Variants in CNTN5 observed in about 807,000 individuals in gnomAD.
CNTN5 encodes contactin-5.
CNTN5 carries 77 observed loss-of-function variants against 129.1 expected under a neutral mutation model. The observed-to-expected ratio is 0.60, with a 90% CI of 0.50 to 0.72. CNTN5 has a LOEUF of 0.72. CNTN5 is among the 30% of genes least tolerant of loss of function. CNTN5 has a pLI of 0.00. For synonymous variants in CNTN5, 509 were observed against 465.6 expected (o/e 1.09, Z -1.20); for missense variants, 1,478 against 1,328.8 (o/e 1.11, Z -1.75).
intron 9 of CNTN5, among the ~76,000 whole-genome samples, chr11:100,054,330 G>C (rs1197556222): frequency 6.6e-6 from 1 of 151,754 alleles, no homozygotes; most frequent in Non-Finnish European, 1.5e-5. Flanking sequence ...ATTAAGAACA[G>C]TTTTTCAATT....
chr11:99,634,093 T>C (rs1264579265), intron 3 of CNTN5, among the ~76,000 whole-genome samples: 1 of 152,148 alleles, frequency 6.6e-6, no homozygotes, highest in Non-Finnish European at 1.5e-5. Context: ...GGCAGTAATA[T>C]GCAGGATGTA....
At chr11:99,131,039 G>A (rs956492179) in intron 1 of CNTN5, among the ~76,000 whole-genome samples, 2 of 151,074 alleles carry the variant, frequency 1.3e-5, no homozygotes, top group African/African-American at 4.9e-5. Flanking sequence ...GAGGCAGGCG[G>A]ATCACAAGGT....
chr11:99,690,757 A>G lies in CNTN5; in HGVS notation c.56-128787A>G, dbSNP rs76468063. The stretch of plus-strand genomic sequence containing the variant: ...GTCTCTGCCAGGTTTGGATATTAGG[A>G]TGATGATGGCCTCATAGAACGAGTT... On this transcript the variant is annotated intron_variant, in intron 3 of 24. Transcript: ENST00000524871. Among the ~76,000 whole-genome samples, 524 of 152,154 alleles carry G rather than the reference A, an allele frequency of 3.4e-3. 1 individual carries two copies. The highest frequency in any genetic ancestry group is 0.011 in the African/African-American group (438 of 41,538).
chr11:100,341,386 G>A (rs563292364), intron 23 of CNTN5, among the ~76,000 whole-genome samples, 181 bp downstream of exon 23: 2 of 152,264 alleles, frequency 1.3e-5, no homozygotes, highest in African/African-American at 2.4e-5. Flanking sequence ...GTCAAAATTA[G>A]TTTCAACTGC....
chr11:99,531,783 T>A (rs1290467049), intron 2 of CNTN5, among the ~76,000 whole-genome samples: 1 of 152,148 alleles, frequency 6.6e-6, no homozygotes, highest in African/African-American at 2.4e-5. Context: ...TGCACAGAAC[T>A]AGAAGTCAAG....
At chr11:100,024,293 C>T (rs558642952) in intron 9 of CNTN5, among the ~76,000 whole-genome samples, 15 of 152,234 alleles carry the variant, frequency 9.9e-5, no homozygotes, top group African/African-American at 3.4e-4. Context: ...TTTCACCTTC[C>T]CCCATGATTG....
chr11:99,842,645 G>A (rs539914578), intron 4 of CNTN5, among the ~76,000 whole-genome samples: 19 of 152,120 alleles, frequency 1.2e-4, no homozygotes, highest in African/African-American at 4.3e-4. Flanking sequence ...TAGTTTTAAT[G>A]TGTAAAGATC....
At chr11:100,020,205 T>C (rs950685283) in intron 9 of CNTN5, among the ~76,000 whole-genome samples, 4 of 152,098 alleles carry the variant, frequency 2.6e-5, no homozygotes, top group African/African-American at 9.7e-5. Context: ...CAAAAATCTT[T>C]ACAAGGAACA....
intron 20 of CNTN5, among the ~76,000 whole-genome samples, chr11:100,305,924 A>T (rs1392391353): frequency 6.6e-6 from 1 of 150,940 alleles, no homozygotes; most frequent in African/African-American, 2.4e-5. Context: ...AAAATACACT[A>T]ATACTAACGA....
At chr11:99,057,632 T>G (rs941180491) in intron 1 of CNTN5, among the ~76,000 whole-genome samples, 1 of 152,054 alleles carries the variant, frequency 6.6e-6, no homozygotes, top group East Asian at 1.9e-4. Context: ...CAATAAAAAT[T>G]AGAGTGCCTA....
chr11:99,892,902 T>C (rs932691382), intron 6 of CNTN5, among the ~76,000 whole-genome samples: 17 of 152,220 alleles, frequency 1.1e-4, no homozygotes, highest in South Asian at 2.1e-4. Flanking sequence ...GCATTGAATC[T>C]ATAAATAAGT....
At chr11:99,257,372 G>A (rs1202938008) in intron 1 of CNTN5, among the ~76,000 whole-genome samples, 1 of 152,052 alleles carries the variant, frequency 6.6e-6, no homozygotes, top group African/African-American at 2.4e-5. Context: ...TGGAGATGAA[G>A]ACATGTCTAC....
chr11:99,131,115 A>G (rs1591246749), intron 1 of CNTN5, among the ~76,000 whole-genome samples: 2 of 141,072 alleles, frequency 1.4e-5, no homozygotes, highest in Admixed American at 1.4e-4. Context: ...ACAAAAAATT[A>G]CAGGCACCTG....
chr11:99,438,214 G>A (rs1375026195), intron 2 of CNTN5, among the ~76,000 whole-genome samples: 1 of 152,094 alleles, frequency 6.6e-6, no homozygotes, highest in Non-Finnish European at 1.5e-5. Flanking sequence ...TGATGAAAGT[G>A]CCAAATCATA....
At chr11:99,536,563 T>C (rs1406298556) in intron 2 of CNTN5, among the ~76,000 whole-genome samples, 1 of 151,682 alleles carries the variant, frequency 6.6e-6, no homozygotes, top group Admixed American at 6.6e-5. Flanking sequence ...ACCAGAAAAA[T>C]ACAGCAAAAG....
At chr11:99,445,690 G>A (rs998254066) in intron 2 of CNTN5, among the ~76,000 whole-genome samples, 6 of 152,130 alleles carry the variant, frequency 3.9e-5, no homozygotes, top group African/African-American at 1.2e-4. Context: ...AATGGACAGC[G>A]TCCTCTATCT....
At chr11:100,278,253 C>A (rs966691249) in intron 18 of CNTN5, among the ~76,000 whole-genome samples, 1 of 151,978 alleles carries the variant, frequency 6.6e-6, no homozygotes, top group Non-Finnish European at 1.5e-5. Flanking sequence ...GTGATTCCAC[C>A]AGTTTTGTTC....
At chr11:100,104,117 C>A (rs902009336) in intron 13 of CNTN5, among the ~76,000 whole-genome samples, 17 of 129,820 alleles carry the variant, frequency 1.3e-4, no homozygotes, top group Non-Finnish European at 2.2e-4. Flanking sequence ...TTTTTTGAGG[C>A]AGAGTCTTTC....
At chr11:100,133,443 A>G (rs1047858868) in intron 13 of CNTN5, among the ~76,000 whole-genome samples, 3 of 152,174 alleles carry the variant, frequency 2.0e-5, no homozygotes, top group African/African-American at 7.2e-5. Context: ...TTCTGCACGC[A>G]TAACACCAAT....
Sources: allele counts gnomAD v4.1 joint callset (sites outside exome capture counted in the v4.1 genomes callset), GRCh38; gene constraint gnomAD v4.1.1; transcripts MANE v1.5; gene names NCBI Gene and HGNC (gene_info 2026-07-23, HGNC 2026-07-21).